The following PEAK1 variants were observed in gnomAD, a reference collection of about 807,000 sequenced individuals.
The protein encoded by PEAK1 is inactive tyrosine-protein kinase PEAK1.
Under a neutral mutation model 124.7 loss-of-function variants are expected in PEAK1, and 54 were observed. The observed-to-expected ratio is 0.43, with a 90% CI of 0.35 to 0.54. PEAK1 has a LOEUF of 0.54. PEAK1 is among the 20% of genes least tolerant of loss of function. The pLI, the probability that PEAK1 is intolerant of heterozygous loss-of-function variation, is 0.01. For synonymous variants in PEAK1, 719 were observed against 760.0 expected, an observed-to-expected ratio of 0.95 and a Z score of 0.89; for missense variants, 2,046 against 2,134.5, an observed-to-expected ratio of 0.96 and a Z score of 0.82.
At chr15:77,204,067 T>C (rs948760993) in intron 6 of PEAK1, among the ~76,000 whole-genome samples, 3 of 151,914 alleles carry the variant, frequency 2.0e-5, no homozygotes, top group African/African-American at 7.3e-5. Context: ...TTCTCAACAA[T>C]AAGAAAATGA....
chr15:77,116,161 G>A (rs2051348982), intron 9 of PEAK1, among the ~76,000 whole-genome samples: 1 of 152,100 alleles, frequency 6.6e-6, no homozygotes, highest in Non-Finnish European at 1.5e-5. Context: ...ACTCTTAAGG[G>A]GTTATCAAAG....
chr15:77,346,263 G>A, intron 2 of PEAK1: 5 of 927,342 alleles, frequency 5.4e-6, no homozygotes, highest in Non-Finnish European at 6.4e-6. Flanking sequence ...AATAAATGTT[G>A]CTGTCTTGAC....
At position 77,133,588 on chromosome 15, in the gene PEAK1, G is replaced by A; in HGVS notation, c.3494C>T (p.Thr1165Ile). 1 of 1,614,170 alleles carries A rather than the reference G, an allele frequency of 6.2e-7. No individual in the cohort carries two copies. Among genetic ancestry groups the A allele is most frequent in the Non-Finnish European group, 8.5e-7 (1 of 1,180,018 alleles). The change falls in exon 9 of 10, where the codon ACA (threonine) becomes ATA (isoleucine). Residue 1165 changes from threonine (T) to isoleucine (I), a missense_variant. Thr to Ile is a moderately conservative substitution (Grantham distance 89). Transcript: ENST00000682557. The surrounding 1 kb of genome is among the most constrained non-coding windows in gnomAD (Gnocchi z 4.2). Reference sequence around the variant, plus strand: ...TTGGAGGTCCTTGGAGATTGGCTCTGTATTGGCTCTTATGATCATCTTCTT... The same window carrying A: ...TTGGAGGTCCTTGGAGATTGGCTCTATATTGGCTCTTATGATCATCTTCTT... ...LPKKMIIRAN[T>I]EPISKDLQKS... is the part of the protein sequence containing the mutation.
intron 6 of PEAK1, among the ~76,000 whole-genome samples, chr15:77,184,147 C>T (rs1435278031): frequency 6.6e-6 from 1 of 151,544 alleles, no homozygotes; most frequent in Non-Finnish European, 1.5e-5. Flanking sequence ...ACATGGATTG[C>T]ATTTAAACAA....
At chr15:77,138,201 T>C (rs1184300738) in intron 8 of PEAK1, among the ~76,000 whole-genome samples, 2 of 152,134 alleles carry the variant, frequency 1.3e-5, no homozygotes, top group Non-Finnish European at 2.9e-5. Context: ...AACACACTAC[T>C]TGTGTATCTA....
In PEAK1 at chr15:77,133,679, C is replaced by T. The variant is rs201280790; in HGVS notation, c.3403G>A (p.Ala1135Thr). The change falls in exon 9 of 10, where the codon GCC (alanine) becomes ACC (threonine). Residue 1135 changes from alanine to threonine, a missense_variant. Transcript: ENST00000682557. The surrounding 1 kb of genome is among the most constrained non-coding windows in gnomAD (Gnocchi z 4.2). ...QPKGAVDDAI[A>T]FGGKTDQEAP... ...TCTTGGTCTGTTTTCCCTCCAAAGG[C>T]GATGGCATCGTCCACAGCTCCCTTG... 9.2e-5 allele frequency: 149 copies of T among 1,613,958 alleles called. No individual in the cohort carries two copies. Among genetic ancestry groups the T allele is most frequent in the Admixed American group, 3.0e-4 (18 of 60,006 alleles).
At chr15:77,169,314 C>T (rs1296238083) in intron 7 of PEAK1, among the ~76,000 whole-genome samples, 1 of 152,188 alleles carries the variant, frequency 6.6e-6, no homozygotes, top group Non-Finnish European at 1.5e-5. Context: ...GACTGAGTGT[C>T]TAAACTGGGC....
Position 77,158,530 on chromosome 15 carries a change from G to C in PEAK1, c.3304C>G (p.Pro1102Ala), listed in dbSNP as rs772637805. The stretch of plus-strand genomic sequence containing the variant: ...AAGTTGCTGTATGTTGCACTACAAG[G>C]GTTCGGGTCCATAGGATCTGAAATG... Reference protein sequence around the residue: ...EDISDPMDPNPCSATYSNLGQ... With the variant: ...EDISDPMDPNACSATYSNLGQ... Residue 1102 changes from proline (P) to alanine (A), a missense_variant, in exon 8 of 10, where the codon CCT (proline) becomes GCT (alanine). Physicochemically the swap from Pro to Ala is conservative, Grantham distance 27. Transcript: ENST00000682557. 4 of 1,614,102 alleles carry C rather than the reference G, an allele frequency of 2.5e-6. No homozygotes were observed. In the East Asian group the frequency reaches 8.9e-5, roughly 36 times the overall value.
At chr15:77,199,962 T>C (rs1030580070) in intron 6 of PEAK1, among the ~76,000 whole-genome samples, 1 of 152,168 alleles carries the variant, frequency 6.6e-6, no homozygotes, top group African/African-American at 2.4e-5. Flanking sequence ...GGAAGAAAGA[T>C]TGGTACTGTA....
rs144545639 is a variant in PEAK1, at chr15:77,343,803, G to C, written c.-603+21360C>G. Among the ~76,000 whole-genome samples, 79 of 151,898 alleles carry C rather than the reference G, an allele frequency of 5.2e-4. No individual in the cohort carries two copies. The East Asian group carries it at 0.014, about 28-fold the overall frequency. ...GCCGGCCTTATCTATTTTTTCTTTTGTTACCTGTGCATTTGGTGTTATAAC... is the reference window on the plus strand; with the variant it reads ...GCCGGCCTTATCTATTTTTTCTTTTCTTACCTGTGCATTTGGTGTTATAAC... On this transcript the variant is annotated intron_variant, in intron 2 of 9. Transcript: ENST00000682557.
Position 77,412,227 on chromosome 15 carries a change from C to G in PEAK1, c.-666+7779G>C, listed in dbSNP as rs182685484. Among the ~76,000 whole-genome samples, 13 of 152,270 alleles carry G rather than the reference C, an allele frequency of 8.5e-5. No individual in the cohort carries two copies. In the East Asian group the frequency reaches 2.5e-3, roughly 29 times the overall value. On this transcript the variant is annotated intron_variant, in intron 1 of 9. Coordinates refer to ENST00000682557, the MANE Select transcript of PEAK1 (RefSeq NM_001385026.1). ...TGATCTAATCTATACTGACAAGTCC[C>G]AAATGTAACCTGGACCATTCTTCTC...
At chr15:77,131,189 A>G (rs2052826428) in intron 9 of PEAK1, among the ~76,000 whole-genome samples, 1 of 152,230 alleles carries the variant, frequency 6.6e-6, no homozygotes, top group Non-Finnish European at 1.5e-5. Context: ...GGAGTCAGAA[A>G]TATTTGTGAT....
chr15:77,194,978 G>A (rs770585975), intron 6 of PEAK1, among the ~76,000 whole-genome samples: 21 of 152,064 alleles, frequency 1.4e-4, no homozygotes, highest in Non-Finnish European at 2.2e-4. Flanking sequence ...AATTATGTTC[G>A]GGGTTCTGTG....
Position 77,179,558 on chromosome 15 carries a change from G to A in PEAK1, c.2369C>T (p.Ala790Val), listed in dbSNP as rs2057111958. 1.2e-6 allele frequency: 2 copies of A among 1,614,010 alleles called. No homozygotes were observed. Among genetic ancestry groups the A allele is most frequent in the African/African-American group, 1.3e-5 (1 of 74,910 alleles). Residue 790 changes from alanine (A) to valine (V), a missense_variant, in exon 7 of 10, where the codon GCT becomes GTT. Coordinates refer to ENST00000682557, the MANE Select transcript of PEAK1 (RefSeq NM_001385026.1). ...GGCATAAAGCTCTTCCACACTGCAA[G>A]CTTTAGGGCCAGATTGAGGTGTTTC... Reference protein sequence around the residue: ...PPETPQSGPKACSVEELYAIP... With the variant: ...PPETPQSGPKVCSVEELYAIP...
chr15:77,369,597 T>C (rs550111265), intron 1 of PEAK1, among the ~76,000 whole-genome samples: 1 of 152,236 alleles, frequency 6.6e-6, no homozygotes, highest in East Asian at 1.9e-4. Context: ...AACAAGAATA[T>C]GCAACAGAGG....
chr15:77,291,333 T>G (rs16968752), intron 2 of PEAK1, among the ~76,000 whole-genome samples: 5 of 152,186 alleles, frequency 3.3e-5, no homozygotes, highest in African/African-American at 1.2e-4. Context: ...TTCAAGCAAA[T>G]TGACAGATAT....
chr15:77,227,817 G>T (rs2059742612), intron 6 of PEAK1, among the ~76,000 whole-genome samples: 1 of 151,802 alleles, frequency 6.6e-6, no homozygotes, highest in Non-Finnish European at 1.5e-5. Context: ...GGACAATATA[G>T]CAAGGCTCCA....
At position 77,324,249 on chromosome 15, in the gene PEAK1, G is replaced by A. The variant is rs143347242; in HGVS notation, c.-602-37745C>T. ...TCCCAGCACTTTGGGAGGCTGAGGCGGGTAAATCACTTGAGGCCAGGAGTT... is the reference window on the plus strand; with the variant it reads ...TCCCAGCACTTTGGGAGGCTGAGGCAGGTAAATCACTTGAGGCCAGGAGTT... On this transcript the variant is annotated intron_variant, in intron 2 of 9. Transcript: ENST00000682557. Among the ~76,000 whole-genome samples, 1,112 of 152,242 alleles carry A rather than the reference G, an allele frequency of 7.3e-3. 15 individuals are homozygous for A. The highest frequency in any genetic ancestry group is 0.025 in the African/African-American group (1,056 of 41,548).
chr15:77,295,153 T>C (rs1358202748), intron 2 of PEAK1, among the ~76,000 whole-genome samples: 26 of 152,170 alleles, frequency 1.7e-4, no homozygotes, highest in Admixed American at 1.2e-3. Context: ...CCACTCAGGG[T>C]GACCTTATGG....
Sources: allele counts gnomAD v4.1 joint callset (sites outside exome capture counted in the v4.1 genomes callset), GRCh38; gene constraint gnomAD v4.1.1; non-coding constraint Gnocchi (gnomAD v3.1); transcripts MANE v1.5; gene names NCBI Gene and HGNC (gene_info 2026-07-23, HGNC 2026-07-21).